The following UPB1 variants were observed in gnomAD, a reference collection of about 807,000 sequenced individuals.
UPB1 encodes the protein beta-ureidopropionase.
In UPB1, 40 loss-of-function variants were observed where a neutral mutation model predicts 49.1. The ratio of observed to expected loss-of-function variants is 0.81; its 90% CI spans 0.63 to 1.06. The LOEUF (loss-of-function observed/expected upper bound fraction) is 1.06. UPB1 is among the 50% of genes least tolerant of loss of function. The pLI, the probability that UPB1 is intolerant of heterozygous loss-of-function variation, is 0.00. For synonymous variants in UPB1, 207 were observed against 198.2 expected, an observed-to-expected ratio of 1.04 and a Z score of -0.38; for missense variants, 499 against 505.9, an observed-to-expected ratio of 0.99 and a Z score of 0.13.
chr22:24,526,238 C>CGACCACCG lies in UPB1; in HGVS notation c.*444_*445insGACCACCG. 1.9e-5 allele frequency: 5 copies of CGACCACCG among 264,372 alleles called. No homozygotes were observed. The highest frequency in any genetic ancestry group is 8.0e-5 in the South Asian group (2 of 25,068). 16.4% of individuals were successfully genotyped at this position (264,372 alleles called of 1,614,324 possible). ...TGGGTCGGATGGTCTTTGGATGTGTCAGCTTAGCTAGGCCACAGTCACCAG... is the reference window on the plus strand; with the variant it reads ...TGGGTCGGATGGTCTTTGGATGTGTCGACCACCGAGCTTAGCTAGGCCACAGTCACCAG... On this transcript the variant is annotated 3_prime_UTR_variant, in exon 10 of 10. Transcript: ENST00000326010.
At chr22:24,512,285 G>A (rs1057352036) in intron 4 of UPB1, among the ~76,000 whole-genome samples, 8 of 152,134 alleles carry the variant, frequency 5.3e-5, no homozygotes, top group South Asian at 2.1e-4. Context: ...GAGACACTCC[G>A]CCTCCACAGG....
intron 7 of UPB1, 38 bp from the exon 8 acceptor site, chr22:24,521,948 C>G (rs751892953): frequency 1.2e-5 from 20 of 1,611,172 alleles, no homozygotes; most frequent in Non-Finnish European, 1.4e-5. Flanking sequence ...GTGGTAGTGC[C>G]ACCTATAGGT....
intron 5 of UPB1, among the ~76,000 whole-genome samples, chr22:24,514,859 T>G (rs1272597442): frequency 6.6e-6 from 1 of 152,144 alleles, no homozygotes; most frequent in Non-Finnish European, 1.5e-5. Context: ...ATTGACCAAC[T>G]CGTGTTAATG....
intron 1 of UPB1, 71 bp downstream of exon 1, chr22:24,495,578 G>C: frequency 6.4e-7 from 1 of 1,555,366 alleles, no homozygotes. Flanking sequence ...AGCAGGCAGG[G>C]AGGGCCTCAG....
chr22:24,522,141 C>A, intron 8 of UPB1, 113 bp downstream of exon 8: 2 of 1,299,680 alleles, frequency 1.5e-6, no homozygotes, highest in Non-Finnish European at 2.2e-6. Context: ...GCATGCCTGG[C>A]ACCTAGGAGG....
Position 24,504,391 on chromosome 22 carries a change from A to C in UPB1, c.364+2178A>C, listed in dbSNP as rs116812922. 3.5e-3 allele frequency among the ~76,000 whole-genome samples: 538 copies of C among 152,288 alleles called. 4 individuals carry two copies. The highest frequency in any genetic ancestry group is 0.012 in the African/African-American group (508 of 41,558). ...TGAACACATTGTTCCATTGTCTTCT[A>C]GTTTTTTGGGCATTGTTGAGTAGTC... On this transcript the variant is annotated intron_variant, in intron 3 of 9. Transcript: ENST00000326010.
At chr22:24,521,883 C>T (rs2044399549) in intron 7 of UPB1, 103 bp from the exon 8 acceptor site, 7 of 1,222,816 alleles carry the variant, frequency 5.7e-6, no homozygotes, top group Middle Eastern at 1.9e-4. Flanking sequence ...CTGGCTGACT[C>T]GCCTCTCGGC....
intron 6 of UPB1, 102 bp downstream of exon 6, chr22:24,515,472 ACCAGGATGTTAACAGAGCTGAGCCC>A: frequency 2.6e-6 from 4 of 1,515,548 alleles, no homozygotes; most frequent in Non-Finnish European, 2.7e-6. Context: ...AGGCGCAGCC[ACCAGGATGTTAACAGAGCTGAGCCC>A]CCAGGATTGC....
chr22:24,516,925 C>T (rs567683353), intron 6 of UPB1, among the ~76,000 whole-genome samples: 35 of 152,198 alleles, frequency 2.3e-4, no homozygotes, highest in South Asian at 8.3e-4. Flanking sequence ...GGGGTTTCAC[C>T]GTCTTAGCCA....
At chr22:24,502,555 A>G (rs527473810) in intron 3 of UPB1, 202 of 777,586 alleles carry the variant, frequency 2.6e-4, no homozygotes, top group Non-Finnish European at 4.5e-4. Flanking sequence ...TTACCTTCAG[A>G]TCTCAGCCCA....
chr22:24,498,965 C>T (rs1220184752), intron 1 of UPB1, among the ~76,000 whole-genome samples: 1 of 152,248 alleles, frequency 6.6e-6, no homozygotes, highest in African/African-American at 2.4e-5. Flanking sequence ...CTGTGGCCTG[C>T]AGGAGCGCCC....
chr22:24,511,478 T>A (rs894020896), intron 4 of UPB1, among the ~76,000 whole-genome samples: 1 of 152,044 alleles, frequency 6.6e-6, no homozygotes, highest in African/African-American at 2.4e-5. Flanking sequence ...TGCACAACTC[T>A]GTGAATATCC....
At chr22:24,498,109 T>A (rs1568978090) in intron 1 of UPB1, among the ~76,000 whole-genome samples, 1 of 152,182 alleles carries the variant, frequency 6.6e-6, no homozygotes, top group African/African-American at 2.4e-5. Flanking sequence ...GAGGGCCCAC[T>A]TTCTGGTTTT....
intron 9 of UPB1, among the ~76,000 whole-genome samples, 193 bp from the exon 10 acceptor site, chr22:24,525,518 G>A (rs1018057530): frequency 4.6e-5 from 7 of 152,150 alleles, no homozygotes; most frequent in African/African-American, 1.7e-4. Flanking sequence ...CCAATGCTGG[G>A]CTGTATGAGT....
intron 1 of UPB1, among the ~76,000 whole-genome samples, chr22:24,496,372 A>AAC (rs60159909): frequency 0.1 from 14,385 of 141,478 alleles, 737 homozygotes; most frequent in Middle Eastern, 0.14. Context: ...CCCTGTCTCA[A>AAC]ACACACACAC....
At chr22:24,513,179 A>G (rs1217976529) in intron 4 of UPB1, 145 bp from the exon 5 acceptor site, 2 of 1,124,806 alleles carry the variant, frequency 1.8e-6, no homozygotes, top group African/African-American at 3.1e-5. Context: ...AAGCATGGAC[A>G]TCAGGGTATT....
In UPB1 at chr22:24,520,487, C is replaced by T. The variant is rs2044369968; in HGVS notation, c.873+19C>T. On this transcript the variant is annotated intron_variant, in intron 7 of 9. Transcript: ENST00000326010. ...GGGCACCGTAAGTCCCGAGGTCTGG[C>T]TGGGGAGAGGAGCCACCACCTGGTG... is the stretch of plus-strand genomic sequence containing the variant. The T allele has an allele frequency of 1.2e-6, 2 of 1,612,318 alleles. No individual in the cohort carries two copies. The highest frequency in any genetic ancestry group is 1.7e-6 in the Non-Finnish European group (2 of 1,179,402).
chr22:24,495,693 C>A (rs2043858132), intron 1 of UPB1, among the ~76,000 whole-genome samples, 186 bp downstream of exon 1: 1 of 152,054 alleles, frequency 6.6e-6, no homozygotes, highest in Admixed American at 6.6e-5. Context: ...GTTGCAGAAT[C>A]CTGGCGTGAC....
At chr22:24,500,085 C>T in intron 1 of UPB1, 22 bp from the exon 2 acceptor site, 6 of 1,614,016 alleles carry the variant, frequency 3.7e-6, no homozygotes, top group Non-Finnish European at 5.1e-6. Flanking sequence ...ATCCCCTTCC[C>T]TCTTTTTTCC....
Sources: allele counts gnomAD v4.1 joint callset (sites outside exome capture counted in the v4.1 genomes callset), GRCh38; gene constraint gnomAD v4.1.1; transcripts MANE v1.5; gene names NCBI Gene and HGNC (gene_info 2026-07-23, HGNC 2026-07-21).